Variants in IL3RA observed in about 807,000 individuals in gnomAD.
IL3RA encodes interleukin-3 receptor subunit alpha.
A neutral mutation model predicts 52.3 loss-of-function variants in IL3RA; 73 were observed. That is an observed-to-expected ratio of 1.40 (90% CI 1.16 to 1.70). The LOEUF (loss-of-function observed/expected upper bound fraction) is 1.70, where lower values mean the gene tolerates loss of function less well. Among genes scored for constraint, IL3RA ranks in the 40% most tolerant of loss-of-function variants. The probability of loss-of-function intolerance (pLI) is 0.00; values close to 1 mark genes in which losing one functional copy is unlikely to be tolerated. For missense variants in IL3RA, 664 were observed against 504.4 expected, an observed-to-expected ratio of 1.32 and a Z score of -3.03; for synonymous variants, 260 against 194.0, an observed-to-expected ratio of 1.34 and a Z score of -2.83.
intron 2 of IL3RA, 58 bp from the exon 3 acceptor site, chrX:1,345,258 C>G: frequency 8.7e-7 from 1 of 1,153,846 alleles, no homozygotes; most frequent in Non-Finnish European, 1.3e-6. Context: ...ATACCCCTTA[C>G]AATGCCGTTT....
chrX:1,359,483 C>T (rs1220981551), intron 8 of IL3RA, among the ~76,000 whole-genome samples: 1 of 151,782 alleles, frequency 6.6e-6, no homozygotes, highest in African/African-American at 2.4e-5. Context: ...CTCTCTTTCT[C>T]TCTCTCTCGT....
chrX:1,348,289 G>T, intron 3 of IL3RA, 142 bp from the exon 4 acceptor site: 1 of 692,716 alleles, frequency 1.4e-6, no homozygotes, highest in Non-Finnish European at 2.7e-6. Context: ...GGAGGGAGAG[G>T]CTGCAGTGAG....
chrX:1,354,630 AGAG>A (rs1463354325), intron 6 of IL3RA, among the ~76,000 whole-genome samples: 1 of 49,450 alleles, frequency 2.0e-5, no homozygotes, highest in Non-Finnish European at 3.7e-5. Flanking sequence ...AAATGGAGAA[AGAG>A]GAGGGGGAGG....
At chrX:1,376,672 G>T (rs2088757154) in intron 9 of IL3RA, among the ~76,000 whole-genome samples, 2 of 149,302 alleles carry the variant, frequency 1.3e-5, no homozygotes, top group Non-Finnish European at 3.0e-5. Context: ...GCCCAGGAGA[G>T]AGGCCTCAGG....
chrX:1,345,571 C>T, intron 3 of IL3RA, 137 bp downstream of exon 3: 1 of 481,570 alleles, frequency 2.1e-6, no homozygotes, highest in Non-Finnish European at 3.5e-6. Flanking sequence ...CTCTCTGCAA[C>T]CTCCACCTCC....
intron 9 of IL3RA, among the ~76,000 whole-genome samples, chrX:1,366,562 G>A (rs1281068007): frequency 2.3e-5 from 1 of 42,780 alleles, no homozygotes; most frequent in African/African-American, 2.1e-4. Context: ...GGGTGCGCGG[G>A]GTGAGCCGGG....
chrX:1,363,601 A>G (rs1256594380), intron 8 of IL3RA, among the ~76,000 whole-genome samples: 4 of 150,896 alleles, frequency 2.7e-5, no homozygotes, highest in Admixed American at 6.6e-5. Flanking sequence ...CTATTTCATC[A>G]TAAGGCCCCA....
In IL3RA at chrX:1,356,704, G is replaced by A. The variant is rs757166640; in HGVS notation, c.732+368G>A. The stretch of plus-strand genomic sequence containing the variant: ...GGAGAATTGCTTGAACCCAGGAGGT[G>A]GGGGTTGCAGTGAGCCGAGATCGCG... On this transcript the variant is annotated intron_variant, in intron 7 of 11. Transcript: ENST00000331035. 5.9e-5 allele frequency among the ~76,000 whole-genome samples: 9 copies of A among 151,996 alleles called. No homozygotes were observed. In the South Asian group the frequency reaches 1.5e-3, roughly 25 times the overall value.
At position 1,348,398 on chromosome X, in the gene IL3RA, T is replaced by A. The variant is rs1177650671; in HGVS notation, c.184-33T>A. The A allele has an allele frequency of 2.7e-6, 4 of 1,498,604 alleles. No individual in the cohort carries two copies. The South Asian group carries it at 4.5e-5, about 17-fold the overall frequency. The allele number at this position is 1,498,604 out of a possible 1,614,324, so 92.8% of individuals were successfully genotyped here. On this transcript the variant is annotated intron_variant, in intron 3 of 11. Coordinates refer to ENST00000331035, the MANE Select transcript of IL3RA (RefSeq NM_002183.4). ...TTAGCGTCAAATTAAGCATGGTCTG[T>A]CAGCAGCCATCATAGTCCTATGTCT...
rs145734091 is a variant in IL3RA, at chrX:1,339,480, G to A, written c.-38-2248G>A. ...TTGGAGACAAGCAAGGTCCACTGAC[G>A]CTAACGCCATTTGGTTCTTTAAAAG... is the stretch of plus-strand genomic sequence containing the variant. On this transcript the variant is annotated intron_variant, in intron 1 of 11. Coordinates refer to ENST00000331035, the MANE Select transcript of IL3RA (RefSeq NM_002183.4). Among the ~76,000 whole-genome samples, 1,041 of 152,246 alleles carry A rather than the reference G, an allele frequency of 6.8e-3. 17 individuals carry two copies. Among genetic ancestry groups the A allele is most frequent in the African/African-American group, 0.024 (997 of 41,540 alleles).
intron 2 of IL3RA, among the ~76,000 whole-genome samples, chrX:1,345,098 G>T (rs776064444): frequency 6.6e-6 from 1 of 151,602 alleles, no homozygotes; most frequent in South Asian, 2.1e-4. Context: ...GAACCAGGAG[G>T]CGGAGCTTGC....
chrX:1,381,946 TTGTTTG>T (rs1403994166), intron 11 of IL3RA, among the ~76,000 whole-genome samples: 3 of 109,184 alleles, frequency 2.7e-5, no homozygotes, highest in African/African-American at 5.9e-5. Flanking sequence ...TTGTTTTGTT[TTGTTTG>T]TTTTTGTTTT....
chrX:1,340,304 C>T (rs1245291005), intron 1 of IL3RA, among the ~76,000 whole-genome samples: 2 of 151,892 alleles, frequency 1.3e-5, no homozygotes, highest in African/African-American at 2.4e-5. Flanking sequence ...TTAGTAGAGA[C>T]GGGGTTTCAC....
At chrX:1,348,638 CTT>C (rs1279658667) in intron 4 of IL3RA, 93 bp downstream of exon 4, 1 of 724,036 alleles carries the variant, frequency 1.4e-6, no homozygotes. Flanking sequence ...TTTTTCTTTT[CTT>C]TTTCTCTTTC....
At position 1,337,318 on chromosome X, in the gene IL3RA, G is replaced by C. The variant is rs1297028686; in HGVS notation, c.-39+392G>C. ...GAAAGCGCTGGTTCAGTTAGTCAAT[G>C]AGCTCACGCCCAGGGCGAGCTGACT... is the stretch of plus-strand genomic sequence containing the variant. On this transcript the variant is annotated intron_variant, in intron 1 of 11. Coordinates refer to ENST00000331035, the MANE Select transcript of IL3RA (RefSeq NM_002183.4). 4.6e-5 allele frequency among the ~76,000 whole-genome samples: 7 copies of C among 152,318 alleles called. No homozygotes were observed. The South Asian group carries it at 1.4e-3, about 32-fold the overall frequency.
At chrX:1,377,602 C>A (rs1289306453) in intron 9 of IL3RA, among the ~76,000 whole-genome samples, 4 of 151,726 alleles carry the variant, frequency 2.6e-5, no homozygotes, top group Non-Finnish European at 5.9e-5. Flanking sequence ...TCCCAGCAGA[C>A]AGATCCACCC....
chrX:1,351,351 G>A (rs1329769920), intron 4 of IL3RA, among the ~76,000 whole-genome samples: 5 of 151,690 alleles, frequency 3.3e-5, no homozygotes, highest in South Asian at 2.1e-4. Context: ...TTTTTGAGAC[G>A]GAGTCTCGCT....
intron 6 of IL3RA, among the ~76,000 whole-genome samples, chrX:1,353,283 G>A (rs112501807): frequency 0.03 from 471 of 15,836 alleles, 5 homozygotes; most frequent in Middle Eastern, 0.083. Context: ...TTCCATCATG[G>A]GTCATGGGAC....
chrX:1,361,755 G>GAAA (rs1156722120), intron 8 of IL3RA, among the ~76,000 whole-genome samples: 5 of 81,744 alleles, frequency 6.1e-5, no homozygotes, highest in African/African-American at 2.0e-4. Context: ...TCCGTCTCGA[G>GAAA]AAAAAAAAAA....
Sources: gnomAD v4.1 joint callset for allele counts (sites outside exome capture counted in the v4.1 genomes callset) on GRCh38, gnomAD v4.1.1 for gene constraint, MANE v1.5 for transcripts, NCBI Gene and HGNC (gene_info 2026-07-23, HGNC 2026-07-21) for gene names.